UGT1A6: variants seen among roughly 807,000 people sequenced by gnomAD.
UGT1A6 encodes the protein UDP-glucuronosyltransferase 1A6.
Under a neutral mutation model 44.4 loss-of-function variants are expected in UGT1A6, and 32 were observed. That is an observed-to-expected ratio of 0.72 (90% CI 0.54 to 0.97). The LOEUF (loss-of-function observed/expected upper bound fraction) is 0.97, where lower values mean the gene tolerates loss of function less well. Among genes scored for constraint, UGT1A6 ranks in the 50% least tolerant of loss-of-function variants. UGT1A6 has a pLI of 0.00. For missense variants in UGT1A6, 685 were observed against 661.9 expected (o/e 1.03, Z -0.38); for synonymous variants, 238 against 248.5 (o/e 0.96, Z 0.40).
rs1007277466 is a variant in UGT1A6 at position 233,747,537 on chromosome 2, A to G, written c.862-19497A>G. On this transcript the variant is annotated intron_variant, in intron 1 of 4. Coordinates refer to ENST00000305139, the MANE Select transcript of UGT1A6 (RefSeq NM_001072.4). ...CTTTGAAACAGAACATTTTCTGAAG[A>G]CATTTTCTAAAAGTATGGCAATTTT... The G allele has an allele frequency of 2.1e-5, 33 of 1,604,828 alleles. No individual in the cohort carries two copies. The Admixed American group carries it at 5.3e-4, about 26-fold the overall frequency.
At position 233,772,432 on chromosome 2, in the gene UGT1A6, T is replaced by C. The variant is rs771600393; in HGVS notation, c.1472T>C (p.Ile491Thr). 4.3e-6 allele frequency: 7 copies of C among 1,614,238 alleles called. No homozygotes were observed. Among genetic ancestry groups the C allele is most frequent in the Middle Eastern group, 1.6e-4 (1 of 6,062 alleles). Residue 491 changes from isoleucine to threonine, a missense_variant, in exon 5 of 5, where the codon ATT (isoleucine) becomes ACT (threonine). Physicochemically the swap from Ile to Thr is moderately conservative, Grantham distance 89 (BLOSUM62 -1). Coordinates refer to ENST00000305139, the MANE Select transcript of UGT1A6 (RefSeq NM_001072.4). ...TWYQYHSLDV[I>T]GFLLAVVLTV... Reference sequence around the variant, plus strand: ...TACCAGTACCATTCCTTGGACGTGATTGGTTTCCTCTTGGCCGTCGTGCTG... The same window carrying C: ...TACCAGTACCATTCCTTGGACGTGACTGGTTTCCTCTTGGCCGTCGTGCTG...
intron 1 of UGT1A6, chr2:233,752,532 T>G (rs1694995506): frequency 6.6e-6 from 1 of 152,250 alleles, no homozygotes; most frequent in African/African-American, 2.4e-5. Context: ...AAAAATTCTT[T>G]AAATAAAATG....
intron 1 of UGT1A6, among the ~76,000 whole-genome samples, chr2:233,727,524 C>T (rs1429199465): frequency 6.6e-6 from 1 of 152,188 alleles, no homozygotes; most frequent in Non-Finnish European, 1.5e-5. Flanking sequence ...GAAGAGCACA[C>T]TACCAGGCGT....
At chr2:233,738,846 A>G (rs1431495514) in intron 1 of UGT1A6, 1 of 152,252 alleles carries the variant, frequency 6.6e-6, no homozygotes, top group Admixed American at 6.5e-5. Context: ...AATGTTAATC[A>G]CCAAGACAAT....
chr2:233,730,635 A>G (rs2078055173), intron 1 of UGT1A6, among the ~76,000 whole-genome samples: 1 of 152,172 alleles, frequency 6.6e-6, no homozygotes, highest in Admixed American at 6.5e-5. Context: ...GGTCTGGTGC[A>G]TGATGTGGGG....
intron 1 of UGT1A6, chr2:233,743,719 G>A (rs757280255): frequency 2.2e-6 from 3 of 1,367,368 alleles, no homozygotes; most frequent in East Asian, 9.1e-5. Context: ...CGCCATAGCG[G>A]TCATAGATAT....
In UGT1A6 at chr2:233,719,617, C is replaced by T. The variant is rs756696112; in HGVS notation, c.861+25752C>T. On this transcript the variant is annotated intron_variant, in intron 1 of 4. Transcript: ENST00000305139. ...CGAGGGGACTTTGTGATGGACTACC[C>T]CAGGCCGATCATGCCCAACATGGTC... 9 of 1,614,012 alleles carry T rather than the reference C, an allele frequency of 5.6e-6. No homozygotes were observed. The South Asian group carries it at 9.9e-5, about 18-fold the overall frequency.
Position 233,724,420 on chromosome 2 carries a change from G to C in UGT1A6, c.861+30555G>C, listed in dbSNP as rs1396792043. Among the ~76,000 whole-genome samples the C allele has an allele frequency of 2.2e-5, 3 of 135,560 alleles. 1 individual carries two copies. The highest frequency in any genetic ancestry group is 8.5e-5 in the African/African-American group (3 of 35,170). 88.9% of individuals were successfully genotyped at this position (135,560 alleles called of 152,430 possible). The stretch of plus-strand genomic sequence containing the variant: ...TTCCCAGATGGGGTGGCTGCCGGGC[G>C]GAGAGGCTCCTCACTTCTCAGACAG... On this transcript the variant is annotated intron_variant, in intron 1 of 4. Transcript: ENST00000305139.
intron 1 of UGT1A6, among the ~76,000 whole-genome samples, chr2:233,710,616 A>C (rs1449107430): frequency 1.3e-5 from 2 of 152,084 alleles, no homozygotes; most frequent in African/African-American, 4.8e-5. Flanking sequence ...TTGTCTTCTT[A>C]TATTTGAGTA....
chr2:233,694,467 T>C (rs1197070708), intron 1 of UGT1A6, among the ~76,000 whole-genome samples: 1 of 152,162 alleles, frequency 6.6e-6, no homozygotes, highest in African/African-American at 2.4e-5. Flanking sequence ...GCAAAAGGGG[T>C]ATGGCCTCTG....
intron 1 of UGT1A6, among the ~76,000 whole-genome samples, chr2:233,766,284 C>T (rs982809777): frequency 7.9e-5 from 12 of 151,766 alleles, no homozygotes; most frequent in Non-Finnish European, 1.8e-4. Context: ...GGCCCGGGCT[C>T]GGTGGCCTGG....
chr2:233,746,228 CA>C (rs1693331108), intron 1 of UGT1A6, among the ~76,000 whole-genome samples: 1 of 151,630 alleles, frequency 6.6e-6, no homozygotes, highest in Non-Finnish European at 1.5e-5. Context: ...GACAGATATG[CA>C]AACTGCTAAA....
chr2:233,750,944 C>T (rs1260619822), intron 1 of UGT1A6, among the ~76,000 whole-genome samples: 5 of 151,882 alleles, frequency 3.3e-5, no homozygotes, highest in Non-Finnish European at 7.3e-5. Flanking sequence ...AGCCCCCACA[C>T]AGAGTCTCCA....
At chr2:233,732,694 G>A (rs2078300923) in intron 1 of UGT1A6, among the ~76,000 whole-genome samples, 1 of 150,038 alleles carries the variant, frequency 6.7e-6, no homozygotes, top group Non-Finnish European at 1.5e-5. Flanking sequence ...CACCCATGCT[G>A]TTTTGTTACT....
At chr2:233,706,682 A>C (rs182459361) in intron 1 of UGT1A6, among the ~76,000 whole-genome samples, 33 of 151,848 alleles carry the variant, frequency 2.2e-4, no homozygotes, top group African/African-American at 7.7e-4. Flanking sequence ...TCCCCACCCC[A>C]CTCCTTCTTG....
chr2:233,754,653 C>A, intron 1 of UGT1A6: 1 of 456,442 alleles, frequency 2.2e-6, no homozygotes, highest in Non-Finnish European at 4.4e-6. Flanking sequence ...CTCAATGATT[C>A]TCTTGGTGGT....
In UGT1A6 at chr2:233,767,139, G is replaced by C; in HGVS notation, c.967G>C (p.Asp323His). Residue 323 changes from aspartate to histidine, a missense_variant, in exon 2 of 5, where the codon GAT becomes CAT. Asp to His is a moderately conservative substitution (Grantham distance 81). Transcript: ENST00000305139. Reference protein sequence around the residue: ...IPEKKAMAIADALGKIPQTVL... With the variant: ...IPEKKAMAIAHALGKIPQTVL... Reference sequence around the variant, plus strand: ...AGAGAAGAAAGCTATGGCAATTGCTGATGCTTTGGGCAAAATCCCTCAGAC... The same window carrying C: ...AGAGAAGAAAGCTATGGCAATTGCTCATGCTTTGGGCAAAATCCCTCAGAC... 6.2e-7 allele frequency: 1 copy of C among 1,614,104 alleles called. No individual in the cohort carries two copies. The highest frequency in any genetic ancestry group is 1.7e-4 in the Middle Eastern group (1 of 6,060).
At chr2:233,749,455 A>C (rs1355144259) in intron 1 of UGT1A6, among the ~76,000 whole-genome samples, 1 of 151,860 alleles carries the variant, frequency 6.6e-6, no homozygotes, top group East Asian at 1.9e-4. Flanking sequence ...GAGCAGAACG[A>C]ATTGGGAACT....
At chr2:233,723,181 A>C (rs2077065915) in intron 1 of UGT1A6, among the ~76,000 whole-genome samples, 2 of 132,766 alleles carry the variant, frequency 1.5e-5, no homozygotes, top group African/African-American at 6.0e-5. Flanking sequence ...AAACCATAGA[A>C]GGGTCCATGT....
Sources: allele counts gnomAD v4.1 joint callset (sites outside exome capture counted in the v4.1 genomes callset), GRCh38; gene constraint gnomAD v4.1.1; transcripts MANE v1.5; gene names NCBI Gene and HGNC (gene_info 2026-07-23, HGNC 2026-07-21).